ME1: variants seen among roughly 807,000 people sequenced by gnomAD.
ME1 encodes the protein malic enzyme 1.
In ME1, 74 loss-of-function variants were observed where a neutral mutation model predicts 66.4. The ratio of observed to expected loss-of-function variants is 1.11; its 90% CI spans 0.92 to 1.35. The LOEUF is 1.35. Ranked by LOEUF, ME1 falls within the 40% of genes most tolerant of loss-of-function variation. The pLI, the probability that ME1 is intolerant of heterozygous loss-of-function variation, is 0.00. For missense variants in ME1, 750 were observed against 694.1 expected (o/e 1.08, Z -0.90); for synonymous variants, 251 against 235.6 (o/e 1.07, Z -0.60).
chr6:83,298,958 TTTTTTTTTTTTTTA>T, intron 6 of ME1, among the ~76,000 whole-genome samples: 3 of 102,512 alleles, frequency 2.9e-5, no homozygotes, highest in Admixed American at 1.2e-4. Flanking sequence ...TTTTTTTTTT[TTTTTTTTTTTTTTA>T]CCAGTACTAT....
intron 6 of ME1, among the ~76,000 whole-genome samples, chr6:83,300,612 T>TTC (rs1233295781): frequency 7.6e-6 from 1 of 131,194 alleles, no homozygotes; most frequent in Non-Finnish European, 1.6e-5. Context: ...CTTTCTTTCT[T>TTC]TTTTTTTTTT....
intron 5 of ME1, among the ~76,000 whole-genome samples, chr6:83,325,604 TC>T (rs1031784800): frequency 2.0e-5 from 3 of 152,068 alleles, no homozygotes; most frequent in Non-Finnish European, 4.4e-5. Flanking sequence ...ATGAGTGAAC[TC>T]CCATTCACAA....
intron 6 of ME1, among the ~76,000 whole-genome samples, chr6:83,308,353 G>C (rs993788501): frequency 5.9e-5 from 9 of 151,658 alleles, no homozygotes; most frequent in African/African-American, 2.2e-4. Flanking sequence ...AAGCTTACTT[G>C]AGGTAAAGCT....
intron 9 of ME1, among the ~76,000 whole-genome samples, chr6:83,231,589 G>A (rs897332254): frequency 2.6e-5 from 4 of 152,134 alleles, no homozygotes; most frequent in African/African-American, 9.7e-5. Context: ...TAATACTGAG[G>A]CAACTACCTG....
chr6:83,306,236 G>A (rs961275386), intron 6 of ME1, among the ~76,000 whole-genome samples: 1 of 151,904 alleles, frequency 6.6e-6, no homozygotes, highest in African/African-American at 2.4e-5. Flanking sequence ...AGAAACACAA[G>A]CTTTTAAGAA....
chr6:83,373,066 AG>A (rs201301926), intron 3 of ME1, among the ~76,000 whole-genome samples: 2,221 of 152,338 alleles, frequency 0.015, 20 homozygotes, highest in Non-Finnish European at 0.019. Flanking sequence ...TTCAAATAAA[AG>A]TTCCATCCTT....
At chr6:83,220,462 C>T (rs1456179623) in intron 12 of ME1, among the ~76,000 whole-genome samples, 2 of 152,124 alleles carry the variant, frequency 1.3e-5, no homozygotes, top group South Asian at 4.1e-4. Context: ...GCCAGGAAAG[C>T]CAAAAATCTC....
At chr6:83,417,385 G>GTTA (rs1770182863) in intron 1 of ME1, among the ~76,000 whole-genome samples, 1 of 151,510 alleles carries the variant, frequency 6.6e-6, no homozygotes, top group Non-Finnish European at 1.5e-5. Flanking sequence ...TGTTGTTGTT[G>GTTA]TTGTTGTTGT....
rs572258810 is a variant in ME1, at chr6:83,313,803, T to C, written c.704+1507A>G. Among the ~76,000 whole-genome samples the C allele has an allele frequency of 6.6e-5, 10 of 152,180 alleles. No individual in the cohort carries two copies. The South Asian group carries it at 1.9e-3, about 28-fold the overall frequency. On this transcript the variant is annotated intron_variant, in intron 6 of 13. Transcript: ENST00000369705. ...TTTCTCAACTATTTCTATAAATAAG[T>C]ATAGTTCAAATAATTACAATAAATA...
intron 2 of ME1, among the ~76,000 whole-genome samples, chr6:83,406,673 T>C (rs1769950711): frequency 6.6e-6 from 1 of 152,210 alleles, no homozygotes; most frequent in African/African-American, 2.4e-5. Context: ...AACACTATTC[T>C]GGATGTTTCT....
At chr6:83,374,911 T>G (rs1028484977) in intron 3 of ME1, among the ~76,000 whole-genome samples, 1 of 152,176 alleles carries the variant, frequency 6.6e-6, no homozygotes, top group South Asian at 2.1e-4. Context: ...GTTAGAGATG[T>G]GTGGTCTTAT....
intron 13 of ME1, among the ~76,000 whole-genome samples, chr6:83,215,675 G>A (rs1156545747): frequency 6.6e-6 from 1 of 152,172 alleles, no homozygotes; most frequent in African/African-American, 2.4e-5. Context: ...CAGAGAAAAG[G>A]CCATATGGGG....
Position 83,346,233 on chromosome 6 carries a change from G to T in ME1, c.540C>A (p.Cys180Ter). 1 of 1,612,000 alleles carries T rather than the reference G, an allele frequency of 6.2e-7. No homozygotes were observed. Among genetic ancestry groups the T allele is most frequent in the Non-Finnish European group, 8.5e-7 (1 of 1,178,852 alleles). The change falls in exon 5 of 14, where the codon TGC becomes TGA. Residue 180 changes from cysteine (C) to a stop codon, truncating the protein, a stop_gained. Coordinates refer to ENST00000369705, the MANE Select transcript of ME1 (RefSeq NM_002395.6). LOFTEE classifies it high-confidence loss of function. ...GACATTCTTGAGGATTCATCCCTCC[G>T]CAAGCTGTATATAGAGCCAATTTAC... ...PVGKLALYTA[C>*]GGMNPQECLP...
chr6:83,245,575 T>G (rs2128526928), intron 7 of ME1, among the ~76,000 whole-genome samples: 1 of 152,212 alleles, frequency 6.6e-6, no homozygotes, highest in African/African-American at 2.4e-5. Context: ...CCGGCTAATT[T>G]TTTTGTATTT....
chr6:83,357,902 C>CTCTCTCT lies in ME1; in HGVS notation c.363-5764_363-5763insAGAGAGA, dbSNP rs1768921889. Among the ~76,000 whole-genome samples the CTCTCTCT allele has an allele frequency of 1.4e-3, 43 of 31,552 alleles. 2 individuals are homozygous for CTCTCTCT. Among genetic ancestry groups the CTCTCTCT allele is most frequent in the South Asian group, 1.8e-3 (1 of 568 alleles). The allele number at this position is 31,552 out of a possible 152,430, so 20.7% of individuals were successfully genotyped here. On this transcript the variant is annotated intron_variant, in intron 3 of 13. Transcript: ENST00000369705. ...TGTTAGTTAATACTTAATAAACTCC[C>CTCTCTCT]CTCTCTCTCTCTCTCTCTCTCTCTC... is the stretch of plus-strand genomic sequence containing the variant.
At chr6:83,246,728 T>C (rs966947644) in intron 7 of ME1, among the ~76,000 whole-genome samples, 13 of 152,194 alleles carry the variant, frequency 8.5e-5, no homozygotes, top group Admixed American at 3.9e-4. Context: ...CAGGATAAAT[T>C]TGTACAAAAG....
intron 6 of ME1, among the ~76,000 whole-genome samples, chr6:83,304,412 G>A (rs574957274): frequency 1.3e-5 from 2 of 152,270 alleles, no homozygotes; most frequent in Non-Finnish European, 2.9e-5. Context: ...ACCTGTCCCA[G>A]GCAGCACCAT....
At chr6:83,231,245 A>AATC (rs1363426773) in intron 9 of ME1, among the ~76,000 whole-genome samples, 3 of 152,226 alleles carry the variant, frequency 2.0e-5, no homozygotes, top group African/African-American at 7.2e-5. Context: ...CATCTTTATT[A>AATC]ATCATAGTAT....
chr6:83,359,164 G>T (rs561906422), intron 3 of ME1, among the ~76,000 whole-genome samples: 2 of 151,952 alleles, frequency 1.3e-5, no homozygotes, highest in South Asian at 4.2e-4. Flanking sequence ...CAGACAGGGT[G>T]GTCGGGCAGA....
Sources: gnomAD v4.1 joint callset for allele counts (sites outside exome capture counted in the v4.1 genomes callset) on GRCh38, gnomAD v4.1.1 for gene constraint, MANE v1.5 for transcripts, NCBI Gene and HGNC (gene_info 2026-07-23, HGNC 2026-07-21) for gene names.